The following PAFAH1B1 variants were observed in gnomAD, a reference collection of about 807,000 sequenced individuals.
PAFAH1B1 encodes platelet-activating factor acetylhydrolase IB subunit beta.
A neutral mutation model predicts 57.5 loss-of-function variants in PAFAH1B1; 2 were observed. The observed-to-expected ratio is 0.03, with a 90% CI of 0.01 to 0.11. The LOEUF (loss-of-function observed/expected upper bound fraction) is 0.11, where lower values mean the gene tolerates loss of function less well. Among genes scored for constraint, PAFAH1B1 ranks in the 10% least tolerant of loss-of-function variants. The pLI is 1.00. For missense variants in PAFAH1B1, 257 were observed against 512.0 expected, an observed-to-expected ratio of 0.50 and a Z score of 4.81; for synonymous variants, 152 against 169.6, an observed-to-expected ratio of 0.90 and a Z score of 0.81.
chr17:2,612,764 C>G (rs955804320), intron 1 of PAFAH1B1, among the ~76,000 whole-genome samples: 3 of 152,056 alleles, frequency 2.0e-5, no homozygotes, highest in African/African-American at 7.2e-5. Flanking sequence ...ATGCGCACCA[C>G]TACGCCTGGC....
At chr17:2,644,280 G>A (rs2151639106) in intron 2 of PAFAH1B1, among the ~76,000 whole-genome samples, 1 of 151,776 alleles carries the variant, frequency 6.6e-6, no homozygotes, top group African/African-American at 2.4e-5. Flanking sequence ...AGTGACTCAT[G>A]CCTGTAATCC....
chr17:2,594,658 C>T (rs1207207368), intron 1 of PAFAH1B1, among the ~76,000 whole-genome samples: 1 of 152,196 alleles, frequency 6.6e-6, no homozygotes, highest in South Asian at 2.1e-4. Context: ...GCAGCCCGGC[C>T]CACCGAGCAA....
At chr17:2,596,153 T>G (rs893682704) in intron 1 of PAFAH1B1, among the ~76,000 whole-genome samples, 1 of 152,202 alleles carries the variant, frequency 6.6e-6, no homozygotes, top group African/African-American at 2.4e-5. Flanking sequence ...AGACACTTAT[T>G]GTCTCCTTAT....
In PAFAH1B1 at chr17:2,680,128, C is replaced by T. The variant is rs1249968430; in HGVS notation, c.1003-36C>T. 23 of 1,596,484 alleles carry T rather than the reference C, an allele frequency of 1.4e-5. No homozygotes were observed. The Admixed American group carries it at 2.8e-4, about 20-fold the overall frequency. ...AAATAGATGCTATTTAAACATTTTG[C>T]CTTTTACTGAGTCAAATAACTTTTT... On this transcript the variant is annotated intron_variant, in intron 9 of 10. Transcript: ENST00000397195.
intron 2 of PAFAH1B1, among the ~76,000 whole-genome samples, chr17:2,645,644 C>T (rs1181713384): frequency 1.3e-4 from 19 of 148,664 alleles, no homozygotes; most frequent in Admixed American, 6.7e-4. Context: ...GACGGAGTCT[C>T]GCTCTGTCCC....
chr17:2,669,505 C>T lies in PAFAH1B1; in HGVS notation c.400-658C>T, dbSNP rs562857631. On this transcript the variant is annotated intron_variant, in intron 5 of 10. Coordinates refer to ENST00000397195, the MANE Select transcript of PAFAH1B1 (RefSeq NM_000430.4). The stretch of plus-strand genomic sequence containing the variant: ...TCTCGAACTGACCTCGTGGTCCGCC[C>T]GCCTTGGCCTTCCTAAGTGCTGGGA... Among the ~76,000 whole-genome samples the T allele has an allele frequency of 1.1e-3, 162 of 152,280 alleles. 1 individual carries two copies. Among genetic ancestry groups the T allele is most frequent in the Non-Finnish European group, 1.8e-3 (120 of 68,026 alleles).
chr17:2,641,856 C>T (rs1227060737), intron 2 of PAFAH1B1: 2 of 152,234 alleles, frequency 1.3e-5, no homozygotes, highest in Middle Eastern at 3.4e-3. Flanking sequence ...CATATACTGA[C>T]ACCCTAGTAT....
At position 2,681,755 on chromosome 17, in the gene PAFAH1B1, G is replaced by A. The variant is rs781058937; in HGVS notation, c.1186G>A (p.Val396Ile). 30 of 1,612,654 alleles carry A rather than the reference G, an allele frequency of 1.9e-5. No homozygotes were observed. Among genetic ancestry groups the A allele is most frequent in the East Asian group, 4.5e-5 (2 of 44,892 alleles). Residue 396 changes from valine (V) to isoleucine (I), a missense_variant, in exon 11 of 11, where the codon GTC (valine) becomes ATC (isoleucine). Physicochemically the swap from Val to Ile is conservative, Grantham distance 29. Coordinates refer to ENST00000397195, the MANE Select transcript of PAFAH1B1 (RefSeq NM_000430.4). ...LDFHKTAPYV[V>I]TGSVDQTVKV... ...TTTCCACAAGACGGCACCCTATGTC[G>A]TCACTGGCAGCGTAGATCAAACAGT...
intron 1 of PAFAH1B1, among the ~76,000 whole-genome samples, chr17:2,617,633 T>C (rs2068362324): frequency 1.3e-5 from 2 of 152,116 alleles, no homozygotes; most frequent in African/African-American, 4.8e-5. Flanking sequence ...TCTCAGTGTT[T>C]GAGGCCAGGC....
chr17:2,617,381 T>C (rs2068358167), intron 1 of PAFAH1B1, among the ~76,000 whole-genome samples: 1 of 152,118 alleles, frequency 6.6e-6, no homozygotes, highest in Non-Finnish European at 1.5e-5. Context: ...TCTTGCAAAA[T>C]GAATGAAGTA....
At chr17:2,600,429 G>T (rs935145146) in intron 1 of PAFAH1B1, among the ~76,000 whole-genome samples, 9 of 151,542 alleles carry the variant, frequency 5.9e-5, no homozygotes, top group African/African-American at 1.9e-4. Flanking sequence ...AATTAGCCAG[G>T]TGTGGTGGTG....
chr17:2,644,118 C>T (rs57848706), intron 2 of PAFAH1B1, among the ~76,000 whole-genome samples: 42,506 of 150,584 alleles, frequency 0.28, 6,108 homozygotes, highest in Middle Eastern at 0.36. Context: ...CCAAGCCTCC[C>T]GAGTTGCTGG....
intron 5 of PAFAH1B1, among the ~76,000 whole-genome samples, chr17:2,668,761 G>A (rs577669038): frequency 1.3e-5 from 2 of 152,160 alleles, no homozygotes; most frequent in South Asian, 2.1e-4. Context: ...GGATCATGAG[G>A]TCAGGAGATC....
At chr17:2,656,215 C>T (rs2068934650) in intron 2 of PAFAH1B1, among the ~76,000 whole-genome samples, 1 of 152,064 alleles carries the variant, frequency 6.6e-6, no homozygotes, top group Non-Finnish European at 1.5e-5. Flanking sequence ...TGAGCCACTG[C>T]GCCTGGCCAC....
intron 1 of PAFAH1B1, among the ~76,000 whole-genome samples, chr17:2,604,350 A>T (rs1192723452): frequency 1.3e-5 from 2 of 152,170 alleles, no homozygotes; most frequent in Non-Finnish European, 2.9e-5. Context: ...GATTCTTAAT[A>T]AAATGATTAA....
At chr17:2,653,914 T>C (rs1019776587) in intron 2 of PAFAH1B1, among the ~76,000 whole-genome samples, 1 of 152,138 alleles carries the variant, frequency 6.6e-6, no homozygotes, top group Non-Finnish European at 1.5e-5. Flanking sequence ...GTTCACGTGA[T>C]TCTCCTGCCT....
At chr17:2,663,376 TTTTTG>T (rs1212640218) in intron 2 of PAFAH1B1, among the ~76,000 whole-genome samples, 8 of 151,778 alleles carry the variant, frequency 5.3e-5, no homozygotes, top group Admixed American at 2.6e-4. Flanking sequence ...GTTTTGTGGG[TTTTTG>T]TTTTGTTTTG....
In PAFAH1B1 at chr17:2,670,347, T is replaced by C. The variant is rs1479588967; in HGVS notation, c.568+16T>C. On this transcript the variant is annotated intron_variant, in intron 6 of 10. Coordinates refer to ENST00000397195, the MANE Select transcript of PAFAH1B1 (RefSeq NM_000430.4). ...ACCATGCACGGTAAGGGGTAGAGGA[T>C]AGTGCTTTAACAGTAATTTCTATCA... is the stretch of plus-strand genomic sequence containing the variant. 1.9e-6 allele frequency: 3 copies of C among 1,603,906 alleles called. No homozygotes were observed. Among genetic ancestry groups the C allele is most frequent in the Non-Finnish European group, 8.5e-7 (1 of 1,170,822 alleles).
chr17:2,640,649 C>G (rs1454882197), intron 2 of PAFAH1B1: 1 of 151,670 alleles, frequency 6.6e-6, no homozygotes, highest in Admixed American at 6.6e-5. Context: ...GGCGGGGTTT[C>G]ACTGTGTCGG....
Sources: allele counts gnomAD v4.1 joint callset (sites outside exome capture counted in the v4.1 genomes callset), GRCh38; gene constraint gnomAD v4.1.1; transcripts MANE v1.5; gene names NCBI Gene and HGNC (gene_info 2026-07-23, HGNC 2026-07-21).